The following LRIG1 variants were observed in gnomAD, a reference collection of about 807,000 sequenced individuals.
LRIG1 encodes leucine rich repeats and immunoglobulin like domains 1.
A neutral mutation model predicts 99.2 loss-of-function variants in LRIG1; 48 were observed. The ratio of observed to expected loss-of-function variants is 0.48; its 90% CI spans 0.38 to 0.62. The LOEUF (loss-of-function observed/expected upper bound fraction) is 0.62. Ranked by LOEUF, LRIG1 falls within the 20% of genes least tolerant of loss-of-function variation. The pLI, the probability that LRIG1 is intolerant of heterozygous loss-of-function variation, is 0.00. For missense variants in LRIG1, 1,646 were observed against 1,434.4 expected (o/e 1.15, Z -2.38); for synonymous variants, 772 against 596.1 (o/e 1.29, Z -4.30).
At chr3:66,407,283 T>C in intron 8 of LRIG1, 65 bp downstream of exon 8, 3 of 1,539,090 alleles carry the variant, frequency 1.9e-6, no homozygotes, top group Middle Eastern at 1.7e-4. Flanking sequence ...ACAAAGCAGA[T>C]GGTTTGCTCT....
chr3:66,423,067 T>C (rs949381467), intron 3 of LRIG1, among the ~76,000 whole-genome samples: 1 of 152,178 alleles, frequency 6.6e-6, no homozygotes, highest in African/African-American at 2.4e-5. Context: ...CACATGGGAA[T>C]TGTAGGAGTT....
intron 12 of LRIG1, among the ~76,000 whole-genome samples, chr3:66,391,646 G>C (rs369752970): frequency 6.6e-6 from 1 of 152,266 alleles, no homozygotes; most frequent in African/African-American, 2.4e-5. Flanking sequence ...CTAATGGTAT[G>C]GGGATCCTTC....
chr3:66,397,842 T>G (rs139848905), intron 11 of LRIG1, among the ~76,000 whole-genome samples: 82 of 152,366 alleles, frequency 5.4e-4, no homozygotes, highest in African/African-American at 1.9e-3. Context: ...GAATAGTGGT[T>G]AGCAAGCTTC....
Position 66,499,372 on chromosome 3 carries a change from C to T in LRIG1, c.218+818G>A, listed in dbSNP as rs80353919. Among the ~76,000 whole-genome samples, 1,377 of 152,288 alleles carry T rather than the reference C, an allele frequency of 9.0e-3. 24 individuals are homozygous for T. Among genetic ancestry groups the T allele is most frequent in the African/African-American group, 0.031 (1,298 of 41,560 alleles). On this transcript the variant is annotated intron_variant, in intron 1 of 18. Transcript: ENST00000273261. ...ACCCTCTCCTGAAGCAGCACTTCTC[C>T]AAAACTCATTTGCACCATTTATGGA...
At chr3:66,435,044 GTCCTTCA>G (rs1282398177) in intron 3 of LRIG1, among the ~76,000 whole-genome samples, 1 of 148,072 alleles carries the variant, frequency 6.8e-6, no homozygotes, top group Non-Finnish European at 1.5e-5. Context: ...CATTCTAGAT[GTCCTTCA>G]TCGGGTGAAT....
rs774669674 is a variant in LRIG1 at position 66,380,455 on chromosome 3, G to C, written c.3090C>G (p.His1030Gln). 6.2e-7 allele frequency: 1 copy of C among 1,614,160 alleles called. No individual in the cohort carries two copies. The highest frequency in any genetic ancestry group is 1.1e-5 in the South Asian group (1 of 91,084). ...CAGGCTGTAGCTCTGTGGAGTCCGG[G>C]TGATACAACCTTGCTAAAGTCCAGG... ...DSSWTLARLYHPDSTELQPAS... is the reference protein window; with the variant it reads ...DSSWTLARLYQPDSTELQPAS... Residue 1030 changes from histidine to glutamine, a missense_variant, in exon 19 of 19, where the codon CAC (histidine) becomes CAG (glutamine). Transcript: ENST00000273261.
intron 3 of LRIG1, among the ~76,000 whole-genome samples, chr3:66,430,125 C>T (rs552674921): frequency 6.6e-6 from 1 of 151,962 alleles, no homozygotes; most frequent in African/African-American, 2.4e-5. Context: ...CTTACATTCA[C>T]CACAACAAAC....
chr3:66,478,899 C>A (rs1156783176), intron 1 of LRIG1, among the ~76,000 whole-genome samples: 1 of 152,184 alleles, frequency 6.6e-6, no homozygotes, highest in African/African-American at 2.4e-5. Context: ...TACTAACTCC[C>A]TGAGTAGCTC....
At chr3:66,408,734 C>T (rs2106661193) in intron 7 of LRIG1, among the ~76,000 whole-genome samples, 1 of 152,238 alleles carries the variant, frequency 6.6e-6, no homozygotes, top group East Asian at 1.9e-4. Context: ...AGCTTGACTA[C>T]AGAGCCTGAA....
chr3:66,439,837 C>T (rs534893753), intron 3 of LRIG1, among the ~76,000 whole-genome samples: 1 of 152,304 alleles, frequency 6.6e-6, no homozygotes, highest in South Asian at 2.1e-4. Flanking sequence ...CAAACACCCT[C>T]ACCCGCGCAC....
At chr3:66,465,457 G>A (rs13096693) in intron 1 of LRIG1, among the ~76,000 whole-genome samples, 16,826 of 138,664 alleles carry the variant, frequency 0.12, 1,589 homozygotes, top group Admixed American at 0.26. Context: ...TCCACCTCTT[G>A]TTTTCAAGCA....
At chr3:66,400,808 C>T (rs1227050730) in intron 9 of LRIG1, among the ~76,000 whole-genome samples, 1 of 152,204 alleles carries the variant, frequency 6.6e-6, no homozygotes, top group Admixed American at 6.5e-5. Flanking sequence ...CCACACGGGC[C>T]GCTGCTTCTT....
chr3:66,405,246 A>C lies in LRIG1; in HGVS notation c.1112T>G (p.Ile371Arg), dbSNP rs764578109. 3 of 1,613,992 alleles carry C rather than the reference A, an allele frequency of 1.9e-6. No individual in the cohort carries two copies. Among genetic ancestry groups the C allele is most frequent in the Non-Finnish European group, 1.7e-6 (2 of 1,179,988 alleles). ...TGAGAAGGCGCCGCTCGTGTCCTCT[A>C]TTGTGCCCGAAATCTCGTTATGGTC... ...DLDHNEISGT[I>R]EDTSGAFSGL... The change falls in exon 9 of 19, where the codon ATA becomes AGA. Residue 371 changes from isoleucine to arginine, a missense_variant. Transcript: ENST00000273261.
chr3:66,436,505 C>T (rs141662691), intron 3 of LRIG1, among the ~76,000 whole-genome samples: 24 of 152,312 alleles, frequency 1.6e-4, no homozygotes, highest in South Asian at 4.1e-4. Flanking sequence ...CCATTAACAT[C>T]CCACAGAACA....
At chr3:66,480,101 C>T (rs1268607907) in intron 1 of LRIG1, among the ~76,000 whole-genome samples, 1 of 152,174 alleles carries the variant, frequency 6.6e-6, no homozygotes, top group Non-Finnish European at 1.5e-5. Flanking sequence ...AATACAGTCT[C>T]TCCTCATGAT....
At chr3:66,412,837 C>G (rs1252844011) in intron 6 of LRIG1, 34 bp downstream of exon 6, 1 of 1,612,358 alleles carries the variant, frequency 6.2e-7, no homozygotes, top group South Asian at 1.1e-5. Flanking sequence ...GCACAGCAAT[C>G]CTTAGCAATG....
At chr3:66,384,778 G>A (rs887929434) in intron 13 of LRIG1, among the ~76,000 whole-genome samples, 4 of 152,112 alleles carry the variant, frequency 2.6e-5, no homozygotes, top group African/African-American at 4.8e-5. Flanking sequence ...GCCCACTGCC[G>A]TATACCCAGG....
intron 2 of LRIG1, among the ~76,000 whole-genome samples, chr3:66,456,501 A>G (rs1437817808): frequency 6.6e-6 from 1 of 151,124 alleles, no homozygotes; most frequent in African/African-American, 2.4e-5. Context: ...TGAGCCTGGG[A>G]ATTTGAGGCT....
intron 9 of LRIG1, among the ~76,000 whole-genome samples, chr3:66,399,977 C>T (rs1168089527): frequency 6.6e-6 from 1 of 152,224 alleles, no homozygotes; most frequent in African/African-American, 2.4e-5. Context: ...CCCCTCAGGG[C>T]CTGCAGGAGA....
Sources: gnomAD v4.1 joint callset for allele counts (sites outside exome capture counted in the v4.1 genomes callset) on GRCh38, gnomAD v4.1.1 for gene constraint, MANE v1.5 for transcripts, NCBI Gene and HGNC (gene_info 2026-07-23, HGNC 2026-07-21) for gene names.